The following MEGF11 variants were observed in gnomAD, a reference collection of about 807,000 sequenced individuals.
MEGF11 encodes the protein multiple epidermal growth factor-like domains protein 11.
Under a neutral mutation model 146.6 loss-of-function variants are expected in MEGF11, and 126 were observed. That is an observed-to-expected ratio of 0.86 (90% CI 0.74 to 1.00). The LOEUF is 1.00. Ranked by LOEUF, MEGF11 falls within the 50% of genes least tolerant of loss-of-function variation. The pLI is 0.00. For missense variants in MEGF11, 1,509 were observed against 1,521.2 expected, an observed-to-expected ratio of 0.99 and a Z score of 0.13; for synonymous variants, 532 against 583.4, an observed-to-expected ratio of 0.91 and a Z score of 1.27.
intron 1 of MEGF11, among the ~76,000 whole-genome samples, chr15:66,243,621 T>C (rs2092251898): frequency 6.6e-6 from 1 of 152,224 alleles, no homozygotes; most frequent in African/African-American, 2.4e-5. Flanking sequence ...TCCAAATTAA[T>C]ATTCATGGAG....
At chr15:65,914,051 T>C in intron 19 of MEGF11, 78 bp from the exon 20 acceptor site, 1 of 1,087,356 alleles carries the variant, frequency 9.2e-7, no homozygotes, top group Non-Finnish European at 1.4e-6. Flanking sequence ...TTCAGATGCG[T>C]GTAACCCCTC....
At chr15:65,916,364 T>C (rs1274001749) in intron 17 of MEGF11, 88 bp from the exon 18 acceptor site, 3 of 1,456,342 alleles carry the variant, frequency 2.1e-6, no homozygotes, top group Admixed American at 4.4e-5. Flanking sequence ...TCTGTCTCTT[T>C]TTTTGCTGAG....
chr15:66,193,604 G>T (rs1487450401), intron 1 of MEGF11, among the ~76,000 whole-genome samples: 1 of 152,098 alleles, frequency 6.6e-6, no homozygotes, highest in Non-Finnish European at 1.5e-5. Context: ...TACAGTATTT[G>T]TGGTATGTGA....
At chr15:65,917,557 A>G (rs1337453846) in intron 16 of MEGF11, among the ~76,000 whole-genome samples, 1 of 152,118 alleles carries the variant, frequency 6.6e-6, no homozygotes, top group African/African-American at 2.4e-5. Flanking sequence ...CCTCAAGGAC[A>G]TCATTCACAT....
intron 23 of MEGF11, 67 bp downstream of exon 23, chr15:65,908,967 T>G (rs2078711194): frequency 4.1e-6 from 4 of 975,380 alleles, no homozygotes; most frequent in African/African-American, 1.7e-5. Flanking sequence ...GGTGCAGGGA[T>G]GGGGATTAGG....
At chr15:66,199,975 A>G (rs560841946) in intron 1 of MEGF11, among the ~76,000 whole-genome samples, 2 of 152,380 alleles carry the variant, frequency 1.3e-5, no homozygotes, top group South Asian at 2.1e-4. Flanking sequence ...TCAGCAGCCA[A>G]TTACAACCTT....
At chr15:65,931,070 T>C in intron 10 of MEGF11, 127 bp from the exon 11 acceptor site, 1 of 1,163,858 alleles carries the variant, frequency 8.6e-7, no homozygotes, top group Middle Eastern at 2.1e-4. Context: ...TGTGAATATG[T>C]TACCTTACAT....
chr15:66,043,672 T>C (rs978516330), intron 5 of MEGF11, among the ~76,000 whole-genome samples: 16 of 152,222 alleles, frequency 1.1e-4, no homozygotes, highest in African/African-American at 3.9e-4. Flanking sequence ...CTTTAGAAGC[T>C]GTAATGGGGC....
chr15:66,007,769 GA>G (rs1405345252), intron 5 of MEGF11, among the ~76,000 whole-genome samples: 1 of 151,986 alleles, frequency 6.6e-6, no homozygotes, highest in Non-Finnish European at 1.5e-5. Flanking sequence ...GAAAAGAAAA[GA>G]AAAGAAGGCA....
At chr15:65,983,188 C>A (rs557358275) in intron 5 of MEGF11, among the ~76,000 whole-genome samples, 1 of 152,154 alleles carries the variant, frequency 6.6e-6, no homozygotes, top group Non-Finnish European at 1.5e-5. Flanking sequence ...TCATTACTTT[C>A]CAAGCAGCCA....
intron 10 of MEGF11, among the ~76,000 whole-genome samples, chr15:65,955,797 C>T (rs1364761511): frequency 0.016 from 94 of 6,042 alleles, 7 homozygotes; most frequent in Non-Finnish European, 0.041. Context: ...TATATATACA[C>T]ACACACACAC....
At chr15:66,207,889 C>T (rs1336661730) in intron 1 of MEGF11, among the ~76,000 whole-genome samples, 1 of 152,054 alleles carries the variant, frequency 6.6e-6, no homozygotes, top group African/African-American at 2.4e-5. Context: ...TCAAGACCAG[C>T]CTGGGCAACA....
At position 65,896,416 on chromosome 15, in the gene MEGF11, T is replaced by C. The variant is rs895812535; in HGVS notation, c.*1518A>G. 1.2e-4 allele frequency: 19 copies of C among 152,678 alleles called. No homozygotes were observed. Among genetic ancestry groups the C allele is most frequent in the African/African-American group, 4.1e-4 (17 of 41,454 alleles). The allele number at this position is 152,678 out of a possible 1,614,324, so 9.5% of individuals were successfully genotyped here. On this transcript the variant is annotated 3_prime_UTR_variant, in exon 26 of 26. Transcript: ENST00000395614. ...TGTTCCATGGCAGGCTTCCAGTTTC[T>C]ATCAAGGGTTTCAGAACTCTCATAC...
intron 1 of MEGF11, among the ~76,000 whole-genome samples, chr15:66,194,475 G>A (rs2090959313): frequency 1.3e-5 from 2 of 152,080 alleles, no homozygotes; most frequent in Admixed American, 1.3e-4. Flanking sequence ...GGGTGTGGTG[G>A]CACACACCTC....
At chr15:66,060,675 C>A (rs575575681) in intron 5 of MEGF11, among the ~76,000 whole-genome samples, 1 of 152,322 alleles carries the variant, frequency 6.6e-6, no homozygotes, top group Admixed American at 6.5e-5. Context: ...TGTTGGTTAA[C>A]CTGGTGTGTC....
intron 1 of MEGF11, among the ~76,000 whole-genome samples, chr15:66,141,308 G>T (rs111307102): frequency 6.7e-6 from 1 of 148,496 alleles, no homozygotes; most frequent in East Asian, 2.0e-4. Context: ...GAGAGAGAGA[G>T]ACAGGGATAG....
At chr15:66,054,104 T>C (rs1256909214) in intron 5 of MEGF11, among the ~76,000 whole-genome samples, 1 of 152,150 alleles carries the variant, frequency 6.6e-6, no homozygotes, top group Non-Finnish European at 1.5e-5. Context: ...CCTTGCCCTC[T>C]TGGGTCCCCA....
At chr15:65,961,223 G>A (rs1015059462) in intron 9 of MEGF11, among the ~76,000 whole-genome samples, 3 of 152,106 alleles carry the variant, frequency 2.0e-5, no homozygotes, top group Non-Finnish European at 4.4e-5. Flanking sequence ...GCCAGGGACT[G>A]CTGTTTTTGG....
At chr15:66,112,634 C>T (rs1227115843) in intron 4 of MEGF11, among the ~76,000 whole-genome samples, 1 of 151,756 alleles carries the variant, frequency 6.6e-6, no homozygotes, top group Non-Finnish European at 1.5e-5. Flanking sequence ...TGATATATAC[C>T]TCTGAGAAGC....
Sources: gnomAD v4.1 joint callset for allele counts (sites outside exome capture counted in the v4.1 genomes callset) on GRCh38, gnomAD v4.1.1 for gene constraint, MANE v1.5 for transcripts, NCBI Gene and HGNC (gene_info 2026-07-23, HGNC 2026-07-21) for gene names.